ANK2: variants seen among roughly 807,000 people sequenced by gnomAD.
ANK2 encodes the protein ankyrin 2.
ANK2 carries 83 observed loss-of-function variants against 360.5 expected under a neutral mutation model. The observed-to-expected ratio is 0.23, with a 90% CI of 0.19 to 0.28. The LOEUF (loss-of-function observed/expected upper bound fraction) is 0.28. ANK2 is among the 10% of genes least tolerant of loss of function. The probability of loss-of-function intolerance (pLI) is 1.00; values close to 1 mark genes in which losing one functional copy is unlikely to be tolerated. For synonymous variants in ANK2, 1,740 were observed against 1,759.5 expected (o/e 0.99, Z 0.28); for missense variants, 4,201 against 4,795.7 (o/e 0.88, Z 3.66).
intron 4 of ANK2, among the ~76,000 whole-genome samples, chr4:113,208,613 T>G (rs2098983391): frequency 6.6e-6 from 1 of 151,956 alleles, no homozygotes; most frequent in Admixed American, 6.5e-5. Flanking sequence ...GCAACCCTCC[T>G]ACCTCAGCTT....
chr4:112,845,140 AC>A (rs2063003682), intron 1 of ANK2, among the ~76,000 whole-genome samples: 1 of 152,200 alleles, frequency 6.6e-6, no homozygotes, highest in Non-Finnish European at 1.5e-5. Context: ...ACTTATCAAA[AC>A]TTTTTATTTT....
the ANK2 span, among the ~76,000 whole-genome samples, chr4:112,754,823 A>G: frequency 6.6e-6 from 1 of 152,184 alleles, no homozygotes; most frequent in Non-Finnish European, 1.5e-5. Flanking sequence ...TGTAAAGACA[A>G]GAGTAGAGAT....
chr4:113,323,523 T>C (rs1449223825), intron 26 of ANK2, among the ~76,000 whole-genome samples: 1 of 152,224 alleles, frequency 6.6e-6, no homozygotes, highest in Non-Finnish European at 1.5e-5. Context: ...TAAGCCAATG[T>C]TGACCAAGGT....
intron 4 of ANK2, among the ~76,000 whole-genome samples, chr4:113,228,747 T>C (rs2099254814): frequency 6.6e-6 from 1 of 152,184 alleles, no homozygotes; most frequent in African/African-American, 2.4e-5. Context: ...TATTCCCCTC[T>C]TTTCTCCTAC....
chr4:113,153,946 T>C (rs2097183738), intron 1 of ANK2, among the ~76,000 whole-genome samples: 1 of 152,234 alleles, frequency 6.6e-6, no homozygotes, highest in African/African-American at 2.4e-5. Context: ...AGGCTGACTT[T>C]ACTGAAGAGT....
At chr4:112,966,251 G>A (rs913043274) in intron 2 of ANK2, among the ~76,000 whole-genome samples, 14 of 151,264 alleles carry the variant, frequency 9.3e-5, no homozygotes, top group Admixed American at 6.6e-5. Flanking sequence ...TCTAACACTC[G>A]TAAAAGATTA....
chr4:113,296,103 G>A (rs1159900223), intron 22 of ANK2, among the ~76,000 whole-genome samples: 2 of 152,002 alleles, frequency 1.3e-5, no homozygotes, highest in African/African-American at 2.4e-5. Context: ...TTAGGTTGTC[G>A]GGTTTTAAAG....
At chr4:113,005,520 C>G (rs1475525134) in intron 2 of ANK2, among the ~76,000 whole-genome samples, 1 of 151,934 alleles carries the variant, frequency 6.6e-6, no homozygotes, top group South Asian at 2.1e-4. Flanking sequence ...CTCATATGTA[C>G]GAGCTAAAAC....
intron 1 of ANK2, among the ~76,000 whole-genome samples, chr4:113,074,730 A>T (rs72671585): frequency 0.039 from 5,930 of 152,322 alleles, 167 homozygotes; most frequent in Non-Finnish European, 0.056. Context: ...GAAAAGAATA[A>T]GGCCAGTTCT....
At chr4:113,065,458 G>T (rs2075230054) in intron 1 of ANK2, among the ~76,000 whole-genome samples, 1 of 152,196 alleles carries the variant, frequency 6.6e-6, no homozygotes, top group African/African-American at 2.4e-5. Context: ...TTTTAGAGCT[G>T]AAAGCTTGAA....
intron 18 of ANK2, among the ~76,000 whole-genome samples, chr4:113,284,217 C>A (rs1441963232): frequency 6.6e-6 from 1 of 152,174 alleles, no homozygotes; most frequent in African/African-American, 2.4e-5. Flanking sequence ...AGGGCATGGG[C>A]GTCCTTGTGA....
chr4:112,820,295 G>A (rs1177055364), intron 1 of ANK2, among the ~76,000 whole-genome samples: 1 of 152,134 alleles, frequency 6.6e-6, no homozygotes, highest in Admixed American at 6.5e-5. Flanking sequence ...TGTAGTTACA[G>A]TCTTAGAACT....
At chr4:112,864,017 G>C (rs11724318) in intron 1 of ANK2, among the ~76,000 whole-genome samples, 2 of 152,094 alleles carry the variant, frequency 1.3e-5, no homozygotes, top group African/African-American at 4.8e-5. Flanking sequence ...GCTTACATTT[G>C]GGTGGGAATA....
chr4:112,982,900 A>G (rs1421962744), intron 2 of ANK2, among the ~76,000 whole-genome samples: 1 of 152,200 alleles, frequency 6.6e-6, no homozygotes, highest in Non-Finnish European at 1.5e-5. Flanking sequence ...CTGTTTTGCA[A>G]TCTGTGCAGT....
rs1421417952 is a variant in ANK2, at chr4:113,355,163, A to G, written c.6545A>G (p.Tyr2182Cys). 13 of 1,614,034 alleles carry G rather than the reference A, an allele frequency of 8.1e-6. No individual in the cohort carries two copies. Among genetic ancestry groups the G allele is most frequent in the Non-Finnish European group, 1.0e-5 (12 of 1,179,990 alleles). The change falls in exon 38 of 46, where the codon TAC (tyrosine) becomes TGC (cysteine). Residue 2182 changes from tyrosine to cysteine, a missense_variant. Coordinates refer to ENST00000357077, the MANE Select transcript of ANK2 (RefSeq NM_001148.6). ...TTCAACACAACATTTCCACTCGACT[A>G]CATGAAAGATGAGTTCCTTCCAGCT... ...SPFNTTFPLD[Y>C]MKDEFLPALS...
chr4:113,216,891 ATT>A (rs57900954), intron 4 of ANK2, among the ~76,000 whole-genome samples: 1 of 147,590 alleles, frequency 6.8e-6, no homozygotes, highest in Admixed American at 6.8e-5. Context: ...TTCAAACACT[ATT>A]TTTTTTTTTA....
In ANK2 at chr4:112,934,063, T is replaced by G. The variant is rs186901384; in HGVS notation, c.21+29549T>G. ...AAGATTTGTGAAAGGGTTGGGGGAG[T>G]TGGAGCCTGTTCGTTGTTTTGAAAT... On this transcript the variant is annotated intron_variant, in intron 2 of 30. Transcript: ENST00000503271. Among the ~76,000 whole-genome samples the G allele has an allele frequency of 6.1e-3, 927 of 152,056 alleles. 3 individuals are homozygous for G. Among genetic ancestry groups the G allele is most frequent in the Non-Finnish European group, 9.4e-3 (637 of 67,980 alleles).
chr4:112,728,912 C>T, the ANK2 span, among the ~76,000 whole-genome samples: 1 of 152,026 alleles, frequency 6.6e-6, no homozygotes, highest in Non-Finnish European at 1.5e-5. Context: ...TGTGGTGGCT[C>T]AAGCCTGTAA....
the ANK2 span, among the ~76,000 whole-genome samples, chr4:112,792,241 A>G: frequency 2.0e-5 from 3 of 151,860 alleles, no homozygotes; most frequent in African/African-American, 7.3e-5. Flanking sequence ...GGGTTACTCC[A>G]TGTTGGTCAG....
Sources: allele counts gnomAD v4.1 joint callset (sites outside exome capture counted in the v4.1 genomes callset), GRCh38; gene constraint gnomAD v4.1.1; transcripts MANE v1.5; gene names NCBI Gene and HGNC (gene_info 2026-07-23, HGNC 2026-07-21).